GALNTL6: variants seen among roughly 807,000 people sequenced by gnomAD.
GALNTL6 encodes polypeptide N-acetylgalactosaminyltransferase-like 6.
In GALNTL6, 46 loss-of-function variants were observed where a neutral mutation model predicts 73.7. That is an observed-to-expected ratio of 0.62 (90% CI 0.49 to 0.80). The LOEUF (loss-of-function observed/expected upper bound fraction) is 0.80. Among genes scored for constraint, GALNTL6 ranks in the 30% least tolerant of loss-of-function variants. The pLI is 0.00. For missense variants in GALNTL6, 604 were observed against 755.0 expected (o/e 0.80, Z 2.34); for synonymous variants, 259 against 263.7 (o/e 0.98, Z 0.17).
chr4:172,548,588 G>A (rs987154743), intron 5 of GALNTL6, among the ~76,000 whole-genome samples: 3 of 152,162 alleles, frequency 2.0e-5, no homozygotes, highest in African/African-American at 4.8e-5. Context: ...CCAGGAAAAT[G>A]TAATTTTAGC....
intron 5 of GALNTL6, among the ~76,000 whole-genome samples, chr4:172,585,550 T>C (rs1043212074): frequency 8.5e-5 from 13 of 152,208 alleles, no homozygotes; most frequent in Admixed American, 4.6e-4. Flanking sequence ...AATGATGGTT[T>C]CCAGCTTCAT....
Position 171,998,879 on chromosome 4 carries a change from G to A in GALNTL6, c.138+184161G>A, listed in dbSNP as rs188967731. ...GGCTTAATCCCATTACCCTGGCTCC[G>A]ATCCTTAGTGATTCTGTCAGGTCCA... On this transcript the variant is annotated intron_variant, in intron 2 of 12. Coordinates refer to ENST00000506823, the MANE Select transcript of GALNTL6 (RefSeq NM_001034845.3). Among the ~76,000 whole-genome samples the A allele has an allele frequency of 3.2e-4, 48 of 152,198 alleles. 1 individual carries two copies. The South Asian group carries it at 8.5e-3, about 27-fold the overall frequency.
intron 3 of GALNTL6, among the ~76,000 whole-genome samples, chr4:172,269,997 A>C (rs1738585210): frequency 6.6e-6 from 1 of 152,120 alleles, no homozygotes; most frequent in Admixed American, 6.6e-5. Context: ...CGGCCTCCCA[A>C]AGTGCTGGGA....
At position 171,878,137 on chromosome 4, in the gene GALNTL6, T is replaced by C. The variant is rs537462062; in HGVS notation, c.138+63419T>C. On this transcript the variant is annotated intron_variant, in intron 2 of 12. Transcript: ENST00000506823. Reference sequence around the variant, plus strand: ...AAATAGATAGCATCAGTCATTTGTGTTTTTGTTTCTTGGTTATGATTTCAA... The same window carrying C: ...AAATAGATAGCATCAGTCATTTGTGCTTTTGTTTCTTGGTTATGATTTCAA... Among the ~76,000 whole-genome samples the C allele has an allele frequency of 2.2e-4, 33 of 152,330 alleles. 1 individual carries two copies. Among genetic ancestry groups the C allele is most frequent in the African/African-American group, 7.9e-4 (33 of 41,582 alleles).
chr4:172,961,733 A>G (rs1024010955), intron 10 of GALNTL6, among the ~76,000 whole-genome samples: 16 of 152,178 alleles, frequency 1.1e-4, no homozygotes, highest in Admixed American at 9.8e-4. Context: ...GGAGAAGAGA[A>G]TAAAGAGAGG....
chr4:172,214,401 AT>A (rs1736427395), intron 2 of GALNTL6, among the ~76,000 whole-genome samples: 2 of 151,828 alleles, frequency 1.3e-5, no homozygotes, highest in African/African-American at 4.8e-5. Context: ...CTCACTAGAG[AT>A]TTATCAATTT....
In GALNTL6 at chr4:172,652,877, T is replaced by A. The variant is rs559807655; in HGVS notation, c.554-156484T>A. ...TTCTGTTTCCTAATTATAAGTTTTT[T>A]TCTTGATTCAGCTTCCATTTCTTTT... On this transcript the variant is annotated intron_variant, in intron 5 of 12. Transcript: ENST00000506823. 1.6e-4 allele frequency among the ~76,000 whole-genome samples: 25 copies of A among 152,314 alleles called. No individual in the cohort carries two copies. In the South Asian group the frequency reaches 5.2e-3, roughly 32 times the overall value.
At chr4:172,631,828 A>G (rs990111843) in intron 5 of GALNTL6, among the ~76,000 whole-genome samples, 4 of 152,248 alleles carry the variant, frequency 2.6e-5, no homozygotes, top group African/African-American at 7.2e-5. Context: ...AAAGTACTGA[A>G]AAGTTTTGAA....
intron 2 of GALNTL6, among the ~76,000 whole-genome samples, chr4:172,145,391 T>C (rs1826309): frequency 0.45 from 68,266 of 151,846 alleles, 16,044 homozygotes; most frequent in African/African-American, 0.57. Flanking sequence ...CCGCCCGCCT[T>C]GGCCTCCCAA....
chr4:172,804,473 G>A (rs1394471515), intron 5 of GALNTL6, among the ~76,000 whole-genome samples: 1 of 152,192 alleles, frequency 6.6e-6, no homozygotes, highest in Non-Finnish European at 1.5e-5. Flanking sequence ...GATCAATAGT[G>A]TATCCTGGCC....
intron 10 of GALNTL6, among the ~76,000 whole-genome samples, chr4:173,000,141 C>A (rs1751980925): frequency 6.6e-6 from 1 of 152,182 alleles, no homozygotes; most frequent in South Asian, 2.1e-4. Flanking sequence ...TATGTATAAT[C>A]TCATTTAATA....
At chr4:172,761,669 T>TCTCTCTCTCTCTC (rs1553985721) in intron 5 of GALNTL6, among the ~76,000 whole-genome samples, 89 of 147,280 alleles carry the variant, frequency 6.0e-4, no homozygotes, top group Non-Finnish European at 8.2e-4. Flanking sequence ...CTTGCTCTCT[T>TCTCTCTCTCTCTC]TCTCTCTCTC....
At chr4:171,984,843 T>C (rs1477793625) in intron 2 of GALNTL6, among the ~76,000 whole-genome samples, 3 of 151,964 alleles carry the variant, frequency 2.0e-5, no homozygotes, top group African/African-American at 7.2e-5. Flanking sequence ...AGTGACTGAG[T>C]CAATCACTCT....
intron 2 of GALNTL6, among the ~76,000 whole-genome samples, chr4:171,936,452 C>A (rs1738347789): frequency 6.6e-6 from 1 of 151,922 alleles, no homozygotes; most frequent in South Asian, 2.1e-4. Context: ...CAGATGAGGC[C>A]AAGAACATTT....
intron 5 of GALNTL6, among the ~76,000 whole-genome samples, chr4:172,411,225 G>A (rs1744422213): frequency 1.3e-5 from 2 of 152,020 alleles, no homozygotes; most frequent in Non-Finnish European, 2.9e-5. Flanking sequence ...AGAAATTGGT[G>A]AAGATTTATA....
At chr4:172,780,749 A>G (rs1416715504) in intron 5 of GALNTL6, among the ~76,000 whole-genome samples, 2 of 152,174 alleles carry the variant, frequency 1.3e-5, no homozygotes, top group East Asian at 1.9e-4. Context: ...CTTCCCCTTA[A>G]GAGCAAAATA....
rs1333673876 is a variant in GALNTL6 at position 172,067,837 on chromosome 4, C to T, written c.139-161819C>T. The stretch of plus-strand genomic sequence containing the variant: ...TTCCTGACCAAAGGTGAAAACAGAG[C>T]TTTCATTGGGCTGATTAGTTGAGCC... On this transcript the variant is annotated intron_variant, in intron 2 of 12. Transcript: ENST00000506823. 2.7e-5 allele frequency among the ~76,000 whole-genome samples: 3 copies of T among 110,130 alleles called. 1 individual carries two copies. The highest frequency in any genetic ancestry group is 1.0e-4 in the African/African-American group (3 of 29,202). 72.2% of individuals were successfully genotyped at this position (110,130 alleles called of 152,430 possible). A position where few individuals can be genotyped will look rare whatever the true frequency, so the allele number is the denominator to read the frequency against.
intron 2 of GALNTL6, among the ~76,000 whole-genome samples, chr4:172,038,094 G>A (rs917603877): frequency 1.3e-5 from 2 of 149,728 alleles, no homozygotes; most frequent in Admixed American, 6.7e-5. Flanking sequence ...CTCCAGCGTG[G>A]CTAACAGAGT....
chr4:172,698,358 T>TTCCAACTAG (rs1733814086), intron 5 of GALNTL6, among the ~76,000 whole-genome samples: 2 of 152,076 alleles, frequency 1.3e-5, no homozygotes, highest in African/African-American at 4.8e-5. Flanking sequence ...AATATCAGTA[T>TTCCAACTAG]TCCAACTAGT....
Sources: allele counts gnomAD v4.1 joint callset (sites outside exome capture counted in the v4.1 genomes callset), GRCh38; gene constraint gnomAD v4.1.1; transcripts MANE v1.5; gene names NCBI Gene and HGNC (gene_info 2026-07-23, HGNC 2026-07-21).